Variants in ABI3BP observed in about 807,000 individuals in gnomAD.
ABI3BP encodes target of Nesh-SH3.
Under a neutral mutation model 268.6 loss-of-function variants are expected in ABI3BP, and 216 were observed. The ratio of observed to expected loss-of-function variants is 0.80; its 90% CI spans 0.72 to 0.90. ABI3BP has a LOEUF of 0.90. ABI3BP is among the 40% of genes least tolerant of loss of function. The pLI, the probability that ABI3BP is intolerant of heterozygous loss-of-function variation, is 0.00. For synonymous variants in ABI3BP, 730 were observed against 730.0 expected, an observed-to-expected ratio of 1.00 and a Z score of 0.00; for missense variants, 2,090 against 2,182.4, an observed-to-expected ratio of 0.96 and a Z score of 0.84.
intron 1 of ABI3BP, among the ~76,000 whole-genome samples, chr3:100,991,733 T>A (rs562863616): frequency 2.0e-5 from 3 of 152,360 alleles, no homozygotes; most frequent in South Asian, 4.1e-4. Context: ...AAATATTTTT[T>A]AAATAAACAA....
chr3:100,806,483 G>T (rs547372343), intron 50 of ABI3BP, among the ~76,000 whole-genome samples: 1 of 152,182 alleles, frequency 6.6e-6, no homozygotes, highest in African/African-American at 2.4e-5. Context: ...AAAAATCCAG[G>T]ATATTGCTGG....
chr3:100,862,417 ATTT>A (rs10567225), intron 13 of ABI3BP, 32 bp from the exon 14 acceptor site: 249 of 1,274,186 alleles, frequency 2.0e-4, no homozygotes, highest in African/African-American at 5.0e-4. Flanking sequence ...TTTGCTGAAG[ATTT>A]TTTTTTTTTT....
intron 1 of ABI3BP, among the ~76,000 whole-genome samples, chr3:100,936,072 C>T (rs2065992960): frequency 6.6e-6 from 1 of 152,140 alleles, no homozygotes; most frequent in Non-Finnish European, 1.5e-5. Context: ...AAAGGGAATG[C>T]TTCCAGTTTT....
At chr3:100,933,770 C>G (rs963638324) in intron 1 of ABI3BP, among the ~76,000 whole-genome samples, 2 of 151,260 alleles carry the variant, frequency 1.3e-5, no homozygotes, top group Non-Finnish European at 3.0e-5. Flanking sequence ...CATAGGATAG[C>G]CAAGAAGCAC....
chr3:100,909,995 A>G (rs2055542047), intron 2 of ABI3BP, among the ~76,000 whole-genome samples: 1 of 152,244 alleles, frequency 6.6e-6, no homozygotes, highest in African/African-American at 2.4e-5. Context: ...CACTGTTCAC[A>G]ATAGCAAAGA....
chr3:100,754,475 G>C, intron 64 of ABI3BP, 137 bp downstream of exon 64: 1 of 773,850 alleles, frequency 1.3e-6, no homozygotes, highest in Non-Finnish European at 2.1e-6. Flanking sequence ...TCATCAGTTT[G>C]CTTTTTCCCA....
chr3:100,869,261 GAGACA>G, intron 9 of ABI3BP, among the ~76,000 whole-genome samples: 1 of 132,972 alleles, frequency 7.5e-6, no homozygotes, highest in Non-Finnish European at 1.6e-5. Flanking sequence ...CTAAGAGACA[GAGACA>G]TTTATATTCT....
chr3:100,953,515 A>G (rs1243358933), intron 1 of ABI3BP, among the ~76,000 whole-genome samples: 1 of 152,196 alleles, frequency 6.6e-6, no homozygotes, highest in East Asian at 1.9e-4. Context: ...CTGACACACG[A>G]TAAGAGCTAT....
chr3:100,969,692 T>G (rs952922248), intron 1 of ABI3BP, among the ~76,000 whole-genome samples: 7 of 151,230 alleles, frequency 4.6e-5, no homozygotes, highest in South Asian at 2.1e-4. Context: ...AAAAATCATG[T>G]TTTTTTGAAA....
In ABI3BP at chr3:100,848,884, A is replaced by G; in HGVS notation, c.1502-9T>C. 6.2e-7 allele frequency: 1 copy of G among 1,611,188 alleles called. No individual in the cohort carries two copies. The highest frequency in any genetic ancestry group is 1.1e-5 in the South Asian group (1 of 90,956). Reference sequence around the variant, plus strand: ...TGTAGTTTGCTGGGGAGCTGAAAGAAGATTTAATATAGCTTTGATAAATGA... The same window carrying G: ...TGTAGTTTGCTGGGGAGCTGAAAGAGGATTTAATATAGCTTTGATAAATGA... On this transcript the variant is annotated splice_polypyrimidine_tract_variant and intron_variant, in intron 17 of 67. Transcript: ENST00000471714.
chr3:100,845,555 G>A (rs75663310), intron 20 of ABI3BP, among the ~76,000 whole-genome samples: 1 of 151,978 alleles, frequency 6.6e-6, no homozygotes, highest in Non-Finnish European at 1.5e-5. Context: ...TAATCCTACT[G>A]TGTAAACATG....
chr3:100,791,028 G>A (rs780094795), intron 55 of ABI3BP, among the ~76,000 whole-genome samples: 2 of 151,710 alleles, frequency 1.3e-5, no homozygotes, highest in Non-Finnish European at 2.9e-5. Flanking sequence ...TTAAGTTTAG[G>A]TTGTAACTTA....
intron 27 of ABI3BP, among the ~76,000 whole-genome samples, chr3:100,836,836 A>C (rs969697014): frequency 2.0e-5 from 3 of 152,088 alleles, no homozygotes; most frequent in African/African-American, 7.2e-5. Flanking sequence ...GGTTTCAAAA[A>C]ATTTTCTGGT....
At chr3:100,839,752 AT>A in intron 23 of ABI3BP, 136 bp from the exon 24 acceptor site, 1 of 976,490 alleles carries the variant, frequency 1.0e-6, no homozygotes, top group Non-Finnish European at 1.6e-6. Flanking sequence ...TACAGTTCCC[AT>A]TTTCCTTTCT....
In ABI3BP at chr3:100,750,565, A is replaced by G; in HGVS notation, c.5291T>C (p.Ile1764Thr). The G allele has an allele frequency of 6.2e-7, 1 of 1,613,216 alleles. No homozygotes were observed. Among genetic ancestry groups the G allele is most frequent in the Non-Finnish European group, 8.5e-7 (1 of 1,179,482 alleles). Residue 1764 changes from isoleucine to threonine, a missense_variant, in exon 68 of 68, where the codon ATA becomes ACA. Physicochemically the swap from Ile to Thr is moderately conservative, Grantham distance 89 (BLOSUM62 -1). Coordinates refer to ENST00000471714, the MANE Select transcript of ABI3BP (RefSeq NM_001375547.2). ...ATAATTGATTTGGGTGTGACCACCT[A>G]TTTCTCCAAATTGGACAGGTTCCTG... Reference protein sequence around the residue: ...VRQEPVQFGEIGGHTQINYVQ... With the variant: ...VRQEPVQFGETGGHTQINYVQ...
Position 100,785,911 on chromosome 3 carries a change from T to C in ABI3BP, c.4162+1817A>G, listed in dbSNP as rs543238727. ...TATAATTGGATAATCATATGATTTT[T>C]CTTCTTTATTCTGTTACATGGTGAA... On this transcript the variant is annotated intron_variant, in intron 57 of 67. Transcript: ENST00000471714. 2.2e-3 allele frequency among the ~76,000 whole-genome samples: 338 copies of C among 152,318 alleles called. 1 individual carries two copies. The highest frequency in any genetic ancestry group is 3.9e-3 in the Non-Finnish European group (267 of 68,010).
At chr3:100,913,551 T>C (rs148993958) in intron 2 of ABI3BP, among the ~76,000 whole-genome samples, 259 of 152,306 alleles carry the variant, frequency 1.7e-3, no homozygotes, top group African/African-American at 5.9e-3. Flanking sequence ...GGGCATGTGC[T>C]AAGTTGTAGC....
chr3:100,986,407 T>C (rs1338368049), intron 1 of ABI3BP, among the ~76,000 whole-genome samples: 1 of 152,168 alleles, frequency 6.6e-6, no homozygotes, highest in Non-Finnish European at 1.5e-5. Flanking sequence ...ACAGCAACTG[T>C]GAAATAATAA....
chr3:100,913,900 T>G (rs1207618760), intron 2 of ABI3BP, among the ~76,000 whole-genome samples: 1 of 152,168 alleles, frequency 6.6e-6, no homozygotes, highest in African/African-American at 2.4e-5. Flanking sequence ...TTCATGTACC[T>G]CTAAACATGG....
Sources: gnomAD v4.1 joint callset for allele counts (sites outside exome capture counted in the v4.1 genomes callset) on GRCh38, gnomAD v4.1.1 for gene constraint, MANE v1.5 for transcripts, NCBI Gene and HGNC (gene_info 2026-07-23, HGNC 2026-07-21) for gene names.